The following MGP variants were observed in gnomAD, a reference collection of about 807,000 sequenced individuals.
The protein encoded by MGP is matrix Gla protein.
Under a neutral mutation model 14.5 loss-of-function variants are expected in MGP, and 13 were observed. The ratio of observed to expected loss-of-function variants is 0.89; its 90% CI spans 0.58 to 1.42. The LOEUF is 1.42. MGP is among the 40% of genes most tolerant of loss of function. The pLI, the probability that MGP is intolerant of heterozygous loss-of-function variation, is 0.00. For missense variants in MGP, 128 were observed against 133.7 expected, an observed-to-expected ratio of 0.96 and a Z score of 0.21; for synonymous variants, 44 against 46.3, an observed-to-expected ratio of 0.95 and a Z score of 0.20.
At chr12:14,884,904 A>C (rs1356915471) in intron 1 of MGP, 2 of 1,528,270 alleles carry the variant, frequency 1.3e-6, no homozygotes, top group Non-Finnish European at 1.7e-6. Flanking sequence ...ACAGCAGATA[A>C]ATTTTGGAAT....
rs569200162 is a variant in MGP, at chr12:14,881,761, T to C, written c.*378A>G. 2.8e-5 allele frequency: 6 copies of C among 211,518 alleles called. No homozygotes were observed. In the South Asian group the frequency reaches 3.5e-4, roughly 12 times the overall value. 13.1% of individuals were successfully genotyped at this position (211,518 alleles called of 1,614,324 possible). On this transcript the variant is annotated 3_prime_UTR_variant, in exon 4 of 4. Transcript: ENST00000539261. ...TGGCTGAGTGAGTGCCTTCTTAGCT[T>C]CCTTCTTTTTATGTAGTTATTTTTC...
chr12:14,883,477 C>T, intron 2 of MGP: 1 of 222,956 alleles, frequency 4.5e-6, no homozygotes, highest in Non-Finnish European at 9.1e-6. Flanking sequence ...TCCTCCTATG[C>T]TCAGTCTTTA....
chr12:14,885,323 C>A (rs1403951332), intron 1 of MGP, among the ~76,000 whole-genome samples: 1 of 152,186 alleles, frequency 6.6e-6, no homozygotes, highest in African/African-American at 2.4e-5. Context: ...CTAGAAAGGG[C>A]TATACTTAAT....
rs3168582 is a variant in MGP at position 14,881,962 on chromosome 12, T to G, written c.*177A>C. 35 of 723,782 alleles carry G rather than the reference T, an allele frequency of 4.8e-5. No homozygotes were observed. The highest frequency in any genetic ancestry group is 1.5e-4 in the Admixed American group (7 of 45,232). 44.8% of individuals were successfully genotyped at this position (723,782 alleles called of 1,614,324 possible). A position where few individuals can be genotyped will look rare whatever the true frequency, so the allele number is the denominator to read the frequency against. On this transcript the variant is annotated 3_prime_UTR_variant, in exon 4 of 4. Transcript: ENST00000539261. ...GACTCTCCTTTGACCCTCACTGCAG[T>G]GCACTTTCATTACTTATCAATCTGG...
chr12:14,884,190 A>G, intron 2 of MGP, 23 bp downstream of exon 2: 1 of 1,451,360 alleles, frequency 6.9e-7, no homozygotes, highest in Non-Finnish European at 9.5e-7. Flanking sequence ...GGATTTGAAT[A>G]AAGAAGTTAA....
In MGP at chr12:14,882,228, C is replaced by T; in HGVS notation, c.223G>A (p.Asp75Asn). The T allele has an allele frequency of 6.2e-7, 1 of 1,614,062 alleles. No individual in the cohort carries two copies. The highest frequency in any genetic ancestry group is 8.5e-7 in the Non-Finnish European group (1 of 1,179,976). The change falls in exon 4 of 4, where the codon GAC (aspartate) becomes AAC (asparagine). Residue 75 changes from aspartate (D) to asparagine (N), a missense_variant. Coordinates refer to ENST00000539261, the MANE Select transcript of MGP (RefSeq NM_000900.5). ...GCGTAGCGTTCGCAAAGTCTGTAGT[C>T]ATCACAGGCTTCCCTATTGAGCTCG... ...VHELNREACD[D>N]YRLCERYAMV...
chr12:14,884,271 T>G, intron 1 of MGP, 26 bp from the exon 2 acceptor site: 2 of 1,291,356 alleles, frequency 1.5e-6, no homozygotes, highest in Non-Finnish European at 2.2e-6. Context: ...AAAGATTCAT[T>G]ATATCAATAT....
intron 3 of MGP, 101 bp from the exon 4 acceptor site, chr12:14,882,381 C>G: frequency 7.3e-7 from 1 of 1,369,262 alleles, no homozygotes; most frequent in African/African-American, 1.4e-5. Flanking sequence ...CTCTCCATGC[C>G]CCCCTATATT....
chr12:14,882,729 T>TTA (rs1555093997), intron 3 of MGP, among the ~76,000 whole-genome samples: 17 of 150,152 alleles, frequency 1.1e-4, no homozygotes, highest in Non-Finnish European at 2.4e-4. Context: ...TTTTTTTTTT[T>TTA]AATGAAAATA....
intron 3 of MGP, 139 bp downstream of exon 3, chr12:14,882,833 A>G: frequency 1.4e-6 from 1 of 692,980 alleles, no homozygotes; most frequent in Non-Finnish European, 2.6e-6. Context: ...TGTTTTCTGA[A>G]TATTGCTTTT....
At chr12:14,884,779 C>A in intron 1 of MGP, 1 of 1,519,400 alleles carries the variant, frequency 6.6e-7, no homozygotes, top group South Asian at 1.2e-5. Flanking sequence ...AAATTGGCAG[C>A]CACAGAAACC....
chr12:14,883,395 AT>A, intron 2 of MGP: 1 of 337,670 alleles, frequency 3.0e-6, no homozygotes, highest in Non-Finnish European at 5.7e-6. Flanking sequence ...GCATAACTAG[AT>A]TGCCGATACA....
chr12:14,885,836 T>C lies in MGP; in HGVS notation c.-45A>G, dbSNP rs756481680. On this transcript the variant is annotated 5_prime_UTR_variant, in exon 1 of 4. Coordinates refer to ENST00000539261, the MANE Select transcript of MGP (RefSeq NM_000900.5). ...GTCTCAGGGTCTTGTGTAGCAGCAG[T>C]AGGGAGAGAGGCTCCTACGGGATGT... The C allele has an allele frequency of 8.4e-6, 13 of 1,554,576 alleles. No homozygotes were observed. Among genetic ancestry groups the C allele is most frequent in the South Asian group, 1.1e-5 (1 of 89,514 alleles).
At chr12:14,884,711 T>G in intron 1 of MGP, 1 of 972,546 alleles carries the variant, frequency 1.0e-6, no homozygotes, top group Non-Finnish European at 1.5e-6. Flanking sequence ...GTTGCTCTGC[T>G]GGGCTTACTA....
chr12:14,882,713 AT>A lies in MGP; in HGVS notation c.170+258del, dbSNP rs10625024. Among the ~76,000 whole-genome samples, 1,867 of 128,334 alleles carry A rather than the reference AT, an allele frequency of 0.015. 36 individuals are homozygous for A. Among genetic ancestry groups the A allele is most frequent in the African/African-American group, 0.045 (1,542 of 34,390 alleles). 84.2% of individuals were successfully genotyped at this position (128,334 alleles called of 152,430 possible). A position where few individuals can be genotyped will look rare whatever the true frequency, so the allele number is the denominator to read the frequency against. ...CCAGGGAGGGAAGGCAGAACAGGAG[AT>A]TTTTTTTTTTTTTTTAATGAAAATA... On this transcript the variant is annotated intron_variant, in intron 3 of 3. Transcript: ENST00000539261.
chr12:14,883,332 G>A (rs1411604283), intron 2 of MGP: 1 of 397,236 alleles, frequency 2.5e-6, no homozygotes, highest in Non-Finnish European at 4.7e-6. Context: ...TTTCTACTTG[G>A]TAGATTTTAA....
intron 1 of MGP, chr12:14,884,744 C>T (rs1016105743): frequency 1.9e-5 from 27 of 1,412,120 alleles, no homozygotes; most frequent in Non-Finnish European, 2.3e-5. Flanking sequence ...AAGAGGGTTC[C>T]GAAAGCCTCT....
rs757821305 is a variant in MGP at position 14,885,732 on chromosome 12, A to G, written c.60T>C (p.Tyr20=). Reference sequence around the variant, plus strand: ...AGAAATGGGAGAAAAGTTTCTCACCATAACACAAAGTTACTACCGCTAAGG... The same window carrying G: ...AGAAATGGGAGAAAAGTTTCTCACCGTAACACAAAGTTACTACCGCTAAGG... ...LAALAVVTLC[Y]ESHESMESYE... is the part of the protein sequence containing the mutation. Residue 20 remains tyrosine, a splice_region_variant and synonymous_variant, in exon 1 of 4, where the codon TAT becomes TAC. Transcript: ENST00000539261. 16 of 1,613,356 alleles carry G rather than the reference A, an allele frequency of 9.9e-6. No homozygotes were observed. In the African/African-American group the frequency reaches 1.6e-4, roughly 16 times the overall value.
At chr12:14,884,990 T>G in intron 1 of MGP, 1 of 923,284 alleles carries the variant, frequency 1.1e-6, no homozygotes, top group Non-Finnish European at 1.6e-6. Flanking sequence ...AATCAAATCC[T>G]CTAATACAGA....
Sources: allele counts gnomAD v4.1 joint callset (sites outside exome capture counted in the v4.1 genomes callset), GRCh38; gene constraint gnomAD v4.1.1; transcripts MANE v1.5; gene names NCBI Gene and HGNC (gene_info 2026-07-23, HGNC 2026-07-21).